Variants in COL23A1 observed in about 807,000 individuals in gnomAD.
COL23A1 encodes collagen type XXIII alpha 1 chain, also known as collagen alpha-1(XXIII) chain.
Under a neutral mutation model 99.3 loss-of-function variants are expected in COL23A1, and 97 were observed. That is an observed-to-expected ratio of 0.98 (90% CI 0.83 to 1.16). The LOEUF is 1.16. Ranked by LOEUF, COL23A1 falls within the 50% of genes most tolerant of loss-of-function variation. The probability of loss-of-function intolerance (pLI) is 0.00; values close to 1 mark genes in which losing one functional copy is unlikely to be tolerated. For missense variants in COL23A1, 762 were observed against 757.4 expected, an observed-to-expected ratio of 1.01 and a Z score of -0.07; for synonymous variants, 320 against 308.2, an observed-to-expected ratio of 1.04 and a Z score of -0.40.
At chr5:178,470,501 C>G (rs948228141) in intron 2 of COL23A1, among the ~76,000 whole-genome samples, 1 of 152,260 alleles carries the variant, frequency 6.6e-6, no homozygotes, top group Non-Finnish European at 1.5e-5. Flanking sequence ...CACGGCAAGC[C>G]GTCAGTGTCG....
chr5:178,498,255 T>A (rs2546649), intron 2 of COL23A1, among the ~76,000 whole-genome samples: 12,897 of 70,778 alleles, frequency 0.18, 2,708 homozygotes, highest in East Asian at 0.65. Context: ...TATATATATA[T>A]ATAAAAGAAC....
chr5:178,585,425 C>T (rs972255501), intron 1 of COL23A1, among the ~76,000 whole-genome samples: 1 of 148,776 alleles, frequency 6.7e-6, no homozygotes, highest in African/African-American at 2.5e-5. Context: ...ACTCCACAGC[C>T]CTGGTTGACA....
intron 24 of COL23A1, 37 bp from the exon 25 acceptor site, chr5:178,246,005 G>A: frequency 2.5e-6 from 4 of 1,613,084 alleles, no homozygotes; most frequent in Non-Finnish European, 3.4e-6. Flanking sequence ...AGGGGTTGGG[G>A]AGGGGTGCTG....
Position 178,262,258 on chromosome 5 carries a change from G to T in COL23A1, c.640-6C>A. The T allele has an allele frequency of 6.3e-7, 1 of 1,579,784 alleles. No homozygotes were observed. Among genetic ancestry groups the T allele is most frequent in the Non-Finnish European group, 8.6e-7 (1 of 1,162,236 alleles). ...CCGGGCTCTCCTTTGGGGCCCTGCG[G>T]AAGTGTGAGGGGACAGCAGTGAAGG... is the stretch of plus-strand genomic sequence containing the variant. On this transcript the variant is annotated splice_region_variant and splice_polypyrimidine_tract_variant and intron_variant, in intron 9 of 28. Coordinates refer to ENST00000390654, the MANE Select transcript of COL23A1 (RefSeq NM_173465.4).
chr5:178,409,010 A>G (rs947899482), intron 2 of COL23A1, among the ~76,000 whole-genome samples: 41 of 149,872 alleles, frequency 2.7e-4, no homozygotes, highest in Middle Eastern at 6.9e-3. Flanking sequence ...ACACACACAC[A>G]CACACACACA....
In COL23A1 at chr5:178,256,911, C is replaced by T. The variant is rs751131995; in HGVS notation, c.792G>A (p.Met264Ile). ...PPGPKGEPGS[M>I]GPRGENGVDG... Reference sequence around the variant, plus strand: ...CCACACCGTTCTCTCCCCGAGGCCCCATGCTCCCTGGCTCGCCCTGAAACA... The same window carrying T: ...CCACACCGTTCTCTCCCCGAGGCCCTATGCTCCCTGGCTCGCCCTGAAACA... The change falls in exon 14 of 29, where the codon ATG becomes ATA. Residue 264 changes from methionine to isoleucine, a missense_variant. Physicochemically the swap from Met to Ile is conservative, Grantham distance 10. Coordinates refer to ENST00000390654, the MANE Select transcript of COL23A1 (RefSeq NM_173465.4). 1.2e-6 allele frequency: 2 copies of T among 1,613,648 alleles called. No individual in the cohort carries two copies. Among genetic ancestry groups the T allele is most frequent in the South Asian group, 1.1e-5 (1 of 91,000 alleles).
At chr5:178,318,434 G>A (rs1759094804) in intron 2 of COL23A1, among the ~76,000 whole-genome samples, 1 of 152,220 alleles carries the variant, frequency 6.6e-6, no homozygotes, top group Non-Finnish European at 1.5e-5. Context: ...CCAGGCAGCT[G>A]AAGGGAGGAC....
chr5:178,578,138 T>G (rs1393616420), intron 1 of COL23A1, among the ~76,000 whole-genome samples: 1 of 151,058 alleles, frequency 6.6e-6, no homozygotes, highest in Non-Finnish European at 1.5e-5. Flanking sequence ...CACACATGCA[T>G]GCACACACAT....
In COL23A1 at chr5:178,340,265, A is replaced by G. The variant is rs1217810544; in HGVS notation, c.362-33346T>C. ...AACAAGGACACCTTTCTGACCAGCA[A>G]TAAGCCTCACCAAAAAATGTGCTCA... On this transcript the variant is annotated intron_variant, in intron 2 of 28. Coordinates refer to ENST00000390654, the MANE Select transcript of COL23A1 (RefSeq NM_173465.4). This position sits in a 1 kb window ranked among gnomAD's most constrained non-coding sequence, Gnocchi z 4.7. 6.6e-6 allele frequency among the ~76,000 whole-genome samples: 1 copy of G among 152,208 alleles called. No homozygotes were observed. Among genetic ancestry groups the G allele is most frequent in the African/African-American group, 2.4e-5 (1 of 41,458 alleles).
At chr5:178,370,067 C>T (rs1279956783) in intron 2 of COL23A1, among the ~76,000 whole-genome samples, 2 of 152,196 alleles carry the variant, frequency 1.3e-5, no homozygotes, top group Admixed American at 6.5e-5. Flanking sequence ...GCAGCCAGTT[C>T]CAGAACTAAG....
Position 178,347,610 on chromosome 5 carries a change from G to A in COL23A1, c.362-40691C>T, listed in dbSNP as rs529989888. Reference sequence around the variant, plus strand: ...ATTAAAAAAAAAAATAGGGCCGGGCGTGGTGGCTCACGCCTGTAATCCCAG... The same window carrying A: ...ATTAAAAAAAAAAATAGGGCCGGGCATGGTGGCTCACGCCTGTAATCCCAG... On this transcript the variant is annotated intron_variant, in intron 2 of 28. Transcript: ENST00000390654. 4.0e-5 allele frequency among the ~76,000 whole-genome samples: 6 copies of A among 151,828 alleles called. No individual in the cohort carries two copies. In the South Asian group the frequency reaches 8.3e-4, roughly 21 times the overall value.
rs1757167020 is a variant in COL23A1 at position 178,286,612 on chromosome 5, A to G, written c.441+1712T>C. On this transcript the variant is annotated intron_variant, in intron 5 of 28. Coordinates refer to ENST00000390654, the MANE Select transcript of COL23A1 (RefSeq NM_173465.4). ...TCACAGCGAGTGAGCTGCAGAGATG[A>G]GAGCCACGCCCAGCTACTCCATCCG... Among the ~76,000 whole-genome samples the G allele has an allele frequency of 3.3e-5, 5 of 152,188 alleles. 1 individual carries two copies. The South Asian group carries it at 1.0e-3, about 32-fold the overall frequency.
chr5:178,381,332 T>G (rs1175743755), intron 2 of COL23A1, among the ~76,000 whole-genome samples: 1 of 152,170 alleles, frequency 6.6e-6, no homozygotes, highest in Non-Finnish European at 1.5e-5. Flanking sequence ...TACTCCCACC[T>G]TCCACAGGGG....
chr5:178,325,352 C>T (rs1403087763), intron 2 of COL23A1, among the ~76,000 whole-genome samples: 1 of 98,272 alleles, frequency 1.0e-5, no homozygotes, highest in African/African-American at 4.9e-5. Context: ...GCCTGGACTT[C>T]CCTCTCCAGC....
At chr5:178,355,547 T>C (rs2127686508) in intron 2 of COL23A1, among the ~76,000 whole-genome samples, 1 of 152,308 alleles carries the variant, frequency 6.6e-6, no homozygotes, top group East Asian at 1.9e-4. Context: ...TTTTTATTTT[T>C]TTGGAGACAG....
At chr5:178,265,851 G>A (rs1755862203) in intron 8 of COL23A1, 1 of 222,558 alleles carries the variant, frequency 4.5e-6, no homozygotes, top group African/African-American at 2.3e-5. Flanking sequence ...AGGTGATCAG[G>A]TGTGCAGACT....
intron 9 of COL23A1, 78 bp from the exon 10 acceptor site, chr5:178,262,330 C>T (rs1349197019): frequency 3.0e-5 from 41 of 1,378,474 alleles, no homozygotes; most frequent in Middle Eastern, 3.6e-4. Flanking sequence ...GGCCAGACCC[C>T]GGGCTGGGGC....
chr5:178,498,287 T>A (rs1023386446), intron 2 of COL23A1, among the ~76,000 whole-genome samples: 16 of 108,440 alleles, frequency 1.5e-4, no homozygotes, highest in African/African-American at 3.9e-4. Context: ...AAAATAAAAA[T>A]AAAAAATTAA....
intron 2 of COL23A1, among the ~76,000 whole-genome samples, chr5:178,508,368 T>C (rs1758995927): frequency 6.6e-6 from 1 of 152,264 alleles, no homozygotes; most frequent in South Asian, 2.1e-4. Flanking sequence ...TGTGCTGTTT[T>C]TCTTTTAATC....
Sources: allele counts gnomAD v4.1 joint callset (sites outside exome capture counted in the v4.1 genomes callset), GRCh38; gene constraint gnomAD v4.1.1; non-coding constraint Gnocchi (gnomAD v3.1); transcripts MANE v1.5; gene names NCBI Gene and HGNC (gene_info 2026-07-23, HGNC 2026-07-21).